RANBP2: variants seen among roughly 807,000 people sequenced by gnomAD.
RANBP2 encodes the protein RAN binding protein 2.
Under a neutral mutation model 303.6 loss-of-function variants are expected in RANBP2, and 57 were observed. The observed-to-expected ratio is 0.19, with a 90% CI of 0.15 to 0.23. The LOEUF is 0.23. Among genes scored for constraint, RANBP2 ranks in the 10% least tolerant of loss-of-function variants. The probability of loss-of-function intolerance (pLI) is 1.00; values close to 1 mark genes in which losing one functional copy is unlikely to be tolerated. For missense variants in RANBP2, 3,138 were observed against 3,780.8 expected, an observed-to-expected ratio of 0.83 and a Z score of 4.46; for synonymous variants, 1,167 against 1,301.5, an observed-to-expected ratio of 0.90 and a Z score of 2.23.
chr2:109,039,585 G>A, the RANBP2 span, among the ~76,000 whole-genome samples: 5 of 152,222 alleles, frequency 3.3e-5, no homozygotes, highest in Middle Eastern at 3.4e-3. Context: ...TCTTGACCTC[G>A]TGATCTGCCC....
At chr2:108,788,184 C>T (rs763586297), downstream of RANBP2, 13 of 1,210,874 alleles carry the variant, frequency 1.1e-5, no homozygotes, top group Admixed American at 2.6e-5. Context: ...TTTGGGAGGC[C>T]GAGGCAGGCG....
chr2:109,481,880 C>T, the RANBP2 span, among the ~76,000 whole-genome samples: 2 of 152,126 alleles, frequency 1.3e-5, no homozygotes, highest in African/African-American at 4.8e-5. Flanking sequence ...GGCCAAGTCA[C>T]TGTTTTATCA....
chr2:109,057,013 C>T, the RANBP2 span, among the ~76,000 whole-genome samples: 1 of 152,206 alleles, frequency 6.6e-6, no homozygotes, highest in Admixed American at 6.5e-5. Flanking sequence ...TAATCTATCT[C>T]TCATCTTTGA....
the RANBP2 span, among the ~76,000 whole-genome samples, chr2:108,904,575 C>T: frequency 6.6e-6 from 1 of 152,140 alleles, no homozygotes; most frequent in African/African-American, 2.4e-5. Flanking sequence ...TGTCCTTCAA[C>T]AAGTGAATGG....
the RANBP2 span, among the ~76,000 whole-genome samples, chr2:109,307,420 A>ACTT: frequency 1.5e-4 from 19 of 129,116 alleles, no homozygotes; most frequent in Non-Finnish European, 2.7e-4. Flanking sequence ...GATAAGATGC[A>ACTT]CTTTTTTTTT....
At chr2:108,727,854 C>A (rs1483801868) in intron 1 of RANBP2, among the ~76,000 whole-genome samples, 1 of 152,114 alleles carries the variant, frequency 6.6e-6, no homozygotes, top group African/African-American at 2.4e-5. Flanking sequence ...CCGCCCGCCT[C>A]GGTCTCCGAA....
chr2:108,728,833 G>A (rs112726373), intron 1 of RANBP2, among the ~76,000 whole-genome samples: 164 of 152,126 alleles, frequency 1.1e-3, no homozygotes, highest in African/African-American at 3.4e-3. Context: ...TTGTCAAGAC[G>A]GGGTTTCACC....
chr2:109,622,904 G>T, the RANBP2 span, among the ~76,000 whole-genome samples: 4 of 152,290 alleles, frequency 2.6e-5, no homozygotes, highest in African/African-American at 7.2e-5. Context: ...GAGGCAGGTG[G>T]ATCACCTGAG....
chr2:109,432,538 G>A, the RANBP2 span: 1 of 1,613,724 alleles, frequency 6.2e-7, no homozygotes, highest in Non-Finnish European at 8.5e-7. Context: ...CCAGAAGAGT[G>A]ACGAGCTGGA....
At chr2:109,500,023 G>A in the RANBP2 span, among the ~76,000 whole-genome samples, 2 of 152,160 alleles carry the variant, frequency 1.3e-5, no homozygotes, top group Admixed American at 1.3e-4. Context: ...GGTGGTCCGT[G>A]TGAACACATC....
the RANBP2 span, among the ~76,000 whole-genome samples, chr2:108,956,478 G>A: frequency 6.6e-6 from 1 of 152,200 alleles, no homozygotes; most frequent in Non-Finnish European, 1.5e-5. Flanking sequence ...AGTCTCTCAC[G>A]TCAGCAGGTT....
the RANBP2 span, among the ~76,000 whole-genome samples, chr2:109,218,705 T>C: frequency 6.6e-6 from 1 of 152,322 alleles, no homozygotes; most frequent in East Asian, 1.9e-4. Flanking sequence ...TGCCCTTTCA[T>C]CATGGCTGGA....
the RANBP2 span, among the ~76,000 whole-genome samples, chr2:109,008,170 G>A: frequency 1.3e-5 from 2 of 152,152 alleles, no homozygotes; most frequent in Non-Finnish European, 2.9e-5. Flanking sequence ...TTATGCCCTT[G>A]CCAAATTTGA....
chr2:109,041,671 G>T, the RANBP2 span, among the ~76,000 whole-genome samples: 1 of 141,168 alleles, frequency 7.1e-6, no homozygotes, highest in Non-Finnish European at 1.5e-5. Context: ...ACAGGTGCCC[G>T]CCACCATGCC....
chr2:109,321,668 C>G, the RANBP2 span, among the ~76,000 whole-genome samples: 2 of 152,196 alleles, frequency 1.3e-5, no homozygotes, highest in African/African-American at 4.8e-5. Flanking sequence ...AGGGATCTGG[C>G]AAAAATGAAT....
downstream of RANBP2, chr2:108,786,721 C>CG (rs376621133): frequency 0.012 from 13,575 of 1,119,536 alleles, 123 homozygotes; most frequent in Middle Eastern, 0.021. Flanking sequence ...GTGCGTGCCT[C>CG]GGGGGGGCGG....
chr2:109,275,097 G>A, the RANBP2 span, among the ~76,000 whole-genome samples: 1 of 152,140 alleles, frequency 6.6e-6, no homozygotes, highest in Non-Finnish European at 1.5e-5. Context: ...TAAAAAAAAA[G>A]AAAATGTGTT....
the RANBP2 span, among the ~76,000 whole-genome samples, chr2:108,893,233 C>A: frequency 2.0e-5 from 3 of 151,938 alleles, no homozygotes; most frequent in Admixed American, 2.0e-4. Flanking sequence ...CTTGTCAAAT[C>A]TCAGTAGAAG....
the RANBP2 span, among the ~76,000 whole-genome samples, chr2:109,163,830 T>C: frequency 6.6e-6 from 1 of 152,214 alleles, no homozygotes; most frequent in Non-Finnish European, 1.5e-5. Flanking sequence ...CCAAACAATG[T>C]GTTTTCCATG....
Sources: gnomAD v4.1 joint callset for allele counts (sites outside exome capture counted in the v4.1 genomes callset) on GRCh38, gnomAD v4.1.1 for gene constraint, MANE v1.5 for transcripts, NCBI Gene and HGNC (gene_info 2026-07-23, HGNC 2026-07-21) for gene names.